RYR2: variants seen among roughly 807,000 people sequenced by gnomAD.
The protein encoded by RYR2 is ryanodine receptor 2, also known as cardiac muscle ryanodine receptor-calcium release channel.
RYR2 carries 227 observed loss-of-function variants against 601.1 expected under a neutral mutation model. The ratio of observed to expected loss-of-function variants is 0.38; its 90% CI spans 0.34 to 0.42. The LOEUF (loss-of-function observed/expected upper bound fraction) is 0.42. Ranked by LOEUF, RYR2 falls within the 10% of genes least tolerant of loss-of-function variation. The pLI is 1.00. For missense variants in RYR2, 4,646 were observed against 6,156.5 expected (o/e 0.75, Z 8.21); for synonymous variants, 2,223 against 2,175.1 (o/e 1.02, Z -0.61).
chr1:237,369,949 T>C (rs1700508063), intron 6 of RYR2, among the ~76,000 whole-genome samples: 1 of 152,120 alleles, frequency 6.6e-6, no homozygotes, highest in African/African-American at 2.4e-5. Flanking sequence ...AAATAAGGTA[T>C]CTTTATTGAA....
At chr1:237,717,163 A>G in intron 71 of RYR2, 35 bp from the exon 72 acceptor site, 2 of 1,600,662 alleles carry the variant, frequency 1.2e-6, no homozygotes, top group Non-Finnish European at 1.7e-6. Context: ...TGAGAAAAGC[A>G]GGTTCAGATC....
intron 62 of RYR2, among the ~76,000 whole-genome samples, chr1:237,685,052 T>C (rs1233923554): frequency 6.6e-6 from 1 of 152,096 alleles, no homozygotes; most frequent in Non-Finnish European, 1.5e-5. Context: ...TTATCTTTGC[T>C]CATTAGGGGC....
Position 237,080,659 on chromosome 1 carries a change from G to A in RYR2, c.48+38090G>A, listed in dbSNP as rs1233073993. Among the ~76,000 whole-genome samples the A allele has an allele frequency of 1.5e-4, 10 of 65,382 alleles. 1 individual carries two copies. The highest frequency in any genetic ancestry group is 4.3e-4 in the African/African-American group (10 of 23,124). 42.9% of individuals were successfully genotyped at this position (65,382 alleles called of 152,430 possible). ...GTGCTGGAGAGGATGTGGAGAAATA[G>A]GAACACTTTTACACTGTTGGTGGGA... On this transcript the variant is annotated intron_variant, in intron 1 of 104. Coordinates refer to ENST00000366574, the MANE Select transcript of RYR2 (RefSeq NM_001035.3).
At chr1:237,512,630 C>T (rs139223255) in intron 24 of RYR2, among the ~76,000 whole-genome samples, 162 of 152,282 alleles carry the variant, frequency 1.1e-3, no homozygotes, top group African/African-American at 3.8e-3. Flanking sequence ...CCCAGCCCTT[C>T]GGAAGGCCAA....
chr1:237,459,239 A>C (rs1177367239), intron 16 of RYR2, among the ~76,000 whole-genome samples: 5 of 152,180 alleles, frequency 3.3e-5, no homozygotes, highest in Admixed American at 3.3e-4. Flanking sequence ...TGCTTAAGTA[A>C]AGAGTTGCAT....
At chr1:237,267,575 A>C (rs916068760) in intron 1 of RYR2, 1 of 294,184 alleles carries the variant, frequency 3.4e-6, no homozygotes, top group African/African-American at 2.3e-5. Flanking sequence ...ATTTCTTAGG[A>C]TCCATATATT....
rs1693074461 is a variant in RYR2 at position 237,757,681 on chromosome 1, T to G, written c.11246-16T>G. On this transcript the variant is annotated splice_polypyrimidine_tract_variant and intron_variant, in intron 81 of 104. Transcript: ENST00000366574. ...GCGAAATGATATAAGGAACACTACTTTTTTATATTTCTTAGGTGAAACTGG... is the reference window on the plus strand; with the variant it reads ...GCGAAATGATATAAGGAACACTACTGTTTTATATTTCTTAGGTGAAACTGG... 1 of 1,561,728 alleles carries G rather than the reference T, an allele frequency of 6.4e-7. No homozygotes were observed. Among genetic ancestry groups the G allele is most frequent in the Non-Finnish European group, 8.8e-7 (1 of 1,132,838 alleles).
chr1:237,198,853 T>G lies in RYR2; in HGVS notation c.49-71644T>G, dbSNP rs138368635. ...ATATATTTTCTTATCTTTTTTTTTT[T>G]TATTTTCTGGAGAAGTAATAGTCCA... On this transcript the variant is annotated intron_variant, in intron 1 of 104. Coordinates refer to ENST00000366574, the MANE Select transcript of RYR2 (RefSeq NM_001035.3). 1.4e-4 allele frequency among the ~76,000 whole-genome samples: 22 copies of G among 152,120 alleles called. No homozygotes were observed. The East Asian group carries it at 3.5e-3, about 24-fold the overall frequency.
chr1:237,220,305 G>A (rs978726590), intron 1 of RYR2, among the ~76,000 whole-genome samples: 6 of 152,140 alleles, frequency 3.9e-5, no homozygotes, highest in Admixed American at 3.3e-4. Context: ...TTTCTCCTCC[G>A]GCCTTTGGAC....
chr1:237,581,480 A>G (rs1842083), intron 29 of RYR2, among the ~76,000 whole-genome samples: 45,356 of 151,994 alleles, frequency 0.3, 7,239 homozygotes, highest in East Asian at 0.61. Context: ...AAAAGAAAAT[A>G]AAAAAGAGAG....
In RYR2 at chr1:237,784,294, G is replaced by A. The variant is rs2149354363; in HGVS notation, c.12582G>A (p.Glu4194=). The A allele has an allele frequency of 3.1e-6, 5 of 1,613,888 alleles. No individual in the cohort carries two copies. In the Admixed American group the frequency reaches 8.3e-5, roughly 27 times the overall value. Reference sequence around the variant, plus strand: ...TGGAACTCTTTGTGAACTTCTGCGAGGACACCATCTTTGAAATGCAGCTGG... The same window carrying A: ...TGGAACTCTTTGTGAACTTCTGCGAAGACACCATCTTTGAAATGCAGCTGG... ...EKMELFVNFC[E]DTIFEMQLAA... is the part of the protein sequence containing the mutation. Residue 4194 remains glutamate, a synonymous_variant, in exon 90 of 105, where the codon GAG becomes GAA. Transcript: ENST00000366574. This position sits in a 1 kb window ranked among gnomAD's most constrained non-coding sequence, Gnocchi z 7.1.
chr1:237,783,551 G>T, intron 89 of RYR2, 124 bp from the exon 90 acceptor site: 1 of 618,892 alleles, frequency 1.6e-6, no homozygotes, highest in Non-Finnish European at 2.9e-6. Context: ...TCTTTTTATA[G>T]AGTGAGAGAT....
intron 1 of RYR2, among the ~76,000 whole-genome samples, chr1:237,152,052 C>T (rs754610065): frequency 3.9e-5 from 6 of 151,926 alleles, no homozygotes; most frequent in East Asian, 1.9e-4. Flanking sequence ...CCCCTCCCTG[C>T]GTCCATGTGT....
At chr1:237,640,818 T>A (rs1227991274) in intron 46 of RYR2, 79 bp from the exon 47 acceptor site, 1 of 1,142,668 alleles carries the variant, frequency 8.8e-7, no homozygotes, top group African/African-American at 1.5e-5. Context: ...GTAGTCCCTT[T>A]CCTCGGAGAG....
In RYR2 at chr1:237,629,462, A is replaced by G. The variant is rs115296136; in HGVS notation, c.6440+1382A>G. 2.9e-3 allele frequency among the ~76,000 whole-genome samples: 442 copies of G among 152,260 alleles called. 1 individual carries two copies. The highest frequency in any genetic ancestry group is 0.01 in the African/African-American group (420 of 41,598). The stretch of plus-strand genomic sequence containing the variant: ...ATATTAAGCTCTATGATGTTCATTA[A>G]GAACAATACCTAAACATAAAAATGT... On this transcript the variant is annotated intron_variant, in intron 41 of 104. Transcript: ENST00000366574.
At chr1:237,428,780 C>A (rs79613429) in intron 12 of RYR2, among the ~76,000 whole-genome samples, 6,197 of 151,028 alleles carry the variant, frequency 0.041, 202 homozygotes, top group Non-Finnish European at 0.068. Flanking sequence ...ATACAAGTCA[C>A]TGAAGTTGTA....
At chr1:237,808,324 T>C (rs1052230240) in intron 99 of RYR2, among the ~76,000 whole-genome samples, 6 of 152,180 alleles carry the variant, frequency 3.9e-5, no homozygotes, top group Non-Finnish European at 7.4e-5. Flanking sequence ...AAAAACGAAA[T>C]GCATTTTATT....
intron 1 of RYR2, among the ~76,000 whole-genome samples, chr1:237,254,152 A>C (rs1368925096): frequency 6.6e-6 from 1 of 152,180 alleles, no homozygotes; most frequent in Non-Finnish European, 1.5e-5. Context: ...CTGAAAACTC[A>C]TTGGTGTTTA....
At chr1:237,755,176 G>C (rs1482549943) in intron 80 of RYR2, 1 of 1,057,320 alleles carries the variant, frequency 9.5e-7, no homozygotes, top group Non-Finnish European at 1.2e-6. Context: ...TTTTTCATTT[G>C]TTTGAGCCCA....
Sources: gnomAD v4.1 joint callset for allele counts (sites outside exome capture counted in the v4.1 genomes callset) on GRCh38, gnomAD v4.1.1 for gene constraint, Gnocchi (gnomAD v3.1) non-coding constraint, MANE v1.5 for transcripts, NCBI Gene and HGNC (gene_info 2026-07-23, HGNC 2026-07-21) for gene names.